C1GALT1: variants seen among roughly 807,000 people sequenced by gnomAD.
C1GALT1 encodes glycoprotein-N-acetylgalactosamine 3-beta-galactosyltransferase 1.
C1GALT1 carries 11 observed loss-of-function variants against 31.0 expected under a neutral mutation model. The ratio of observed to expected loss-of-function variants is 0.36; its 90% CI spans 0.22 to 0.59. C1GALT1 has a LOEUF of 0.59. C1GALT1 is among the 20% of genes least tolerant of loss of function. C1GALT1 has a pLI of 0.79. For missense variants in C1GALT1, 424 were observed against 425.2 expected, an observed-to-expected ratio of 1.00 and a Z score of 0.03; for synonymous variants, 175 against 143.6, an observed-to-expected ratio of 1.22 and a Z score of -1.56.
intron 1 of C1GALT1, among the ~76,000 whole-genome samples, chr7:7,191,457 A>G (rs142162717): frequency 1.6e-3 from 251 of 152,272 alleles, no homozygotes; most frequent in Non-Finnish European, 2.8e-3. Flanking sequence ...GTGTACAAAT[A>G]CTTTCTTGAA....
chr7:7,189,784 T>C (rs1345359882), intron 1 of C1GALT1, among the ~76,000 whole-genome samples: 3 of 152,166 alleles, frequency 2.0e-5, no homozygotes, highest in Non-Finnish European at 4.4e-5. Context: ...CAAAAATATA[T>C]TTTCTTCCAG....
At chr7:7,222,402 GACA>G (rs957239340) in intron 1 of C1GALT1, among the ~76,000 whole-genome samples, 2 of 152,148 alleles carry the variant, frequency 1.3e-5, no homozygotes, top group Non-Finnish European at 2.9e-5. Flanking sequence ...CTGGCTCTTT[GACA>G]ACATTTTATT....
intron 2 of C1GALT1, among the ~76,000 whole-genome samples, chr7:7,161,194 T>A (rs1179730998): frequency 6.6e-6 from 1 of 152,076 alleles, no homozygotes; most frequent in Non-Finnish European, 1.5e-5. Context: ...CATGTAACCA[T>A]CCTTACCAAA....
intron 2 of C1GALT1, among the ~76,000 whole-genome samples, chr7:7,236,576 C>T (rs1783364669): frequency 6.6e-6 from 1 of 152,122 alleles, no homozygotes; most frequent in Non-Finnish European, 1.5e-5. Context: ...GGCTGGACTG[C>T]AGTGGTGGGA....
Position 7,238,832 on chromosome 7 carries a change from T to C in C1GALT1, c.798T>C (p.Phe266=), listed in dbSNP as rs1236239513. The C allele has an allele frequency of 6.2e-7, 1 of 1,613,846 alleles. No individual in the cohort carries two copies. The highest frequency in any genetic ancestry group is 1.7e-5 in the Admixed American group (1 of 60,000). The change falls in exon 3 of 4, where the codon TTT becomes TTC. Residue 266 remains phenylalanine (F), a synonymous_variant. Coordinates refer to ENST00000436587, the MANE Select transcript of C1GALT1 (RefSeq NM_020156.5). This position sits in a 1 kb window ranked among gnomAD's most constrained non-coding sequence, Gnocchi z 5.2. ...DSRDTIGKET[F]HPFVPEHHLI... ...GAGATACCATTGGAAAAGAAACTTT[T>C]CATCCCTTTGTGCCAGAACACCATT...
chr7:7,233,869 A>G (rs888279840), intron 1 of C1GALT1, among the ~76,000 whole-genome samples: 1 of 152,182 alleles, frequency 6.6e-6, no homozygotes, highest in Non-Finnish European at 1.5e-5. Context: ...CCAAAAAGCC[A>G]AAAATATTTT....
At chr7:7,191,916 T>C (rs1781091159) in intron 1 of C1GALT1, among the ~76,000 whole-genome samples, 1 of 152,104 alleles carries the variant, frequency 6.6e-6, no homozygotes, top group African/African-American at 2.4e-5. Context: ...ACCCATTCTG[T>C]GGCTTGCCTT....
intron 1 of C1GALT1, among the ~76,000 whole-genome samples, chr7:7,198,912 G>T (rs1027713345): frequency 4.6e-5 from 7 of 152,078 alleles, no homozygotes; most frequent in African/African-American, 1.7e-4. Flanking sequence ...GCATCTATTT[G>T]ATTCTTCTCT....
intron 2 of C1GALT1, among the ~76,000 whole-genome samples, chr7:7,171,973 A>G (rs962332059): frequency 6.6e-6 from 1 of 152,174 alleles, no homozygotes; most frequent in East Asian, 1.9e-4. Context: ...GTTAAATCTT[A>G]TTAAAAATAA....
chr7:7,179,890 T>C (rs1437884111), upstream of C1GALT1, among the ~76,000 whole-genome samples: 1 of 149,926 alleles, frequency 6.7e-6, no homozygotes, highest in Non-Finnish European at 1.5e-5. Flanking sequence ...GATGGGTGCA[T>C]ATCAAATGGC....
In C1GALT1 at chr7:7,183,905, G is replaced by A. The variant is rs1484996407; in HGVS notation, c.-18+1085G>A. On this transcript the variant is annotated intron_variant, in intron 1 of 3. Transcript: ENST00000436587. ...ACCATAATGAATCAATGAATAATTG[G>A]CCGATGTGTAAGGGAGAGAAATATG... Among the ~76,000 whole-genome samples the A allele has an allele frequency of 2.6e-5, 4 of 152,076 alleles. No homozygotes were observed. The East Asian group carries it at 7.7e-4, about 29-fold the overall frequency.
intron 1 of C1GALT1, among the ~76,000 whole-genome samples, chr7:7,213,958 A>G (rs1230714873): frequency 1.3e-5 from 2 of 152,192 alleles, no homozygotes; most frequent in African/African-American, 2.4e-5. Context: ...CAATTGGCTT[A>G]TTTTGTAATC....
rs1402251285 is a variant in C1GALT1, at chr7:7,238,415, A to G, written c.381A>G (p.Lys127=). 1 of 1,613,970 alleles carries G rather than the reference A, an allele frequency of 6.2e-7. No homozygotes were observed. The highest frequency in any genetic ancestry group is 8.5e-7 in the Non-Finnish European group (1 of 1,179,996). ...KVLFMSSEEN[K]DFPAVGLKTK... The stretch of plus-strand genomic sequence containing the variant: ...TGTTTATGAGTTCAGAAGAAAATAA[A>G]GACTTCCCTGCTGTGGGACTGAAAA... Residue 127 remains lysine (K), a synonymous_variant, in exon 3 of 4, where the codon AAA becomes AAG. Transcript: ENST00000436587. The surrounding 1 kb of genome is among the most constrained non-coding windows in gnomAD (Gnocchi z 5.2).
chr7:7,213,783 T>C (rs1385588935), intron 1 of C1GALT1, among the ~76,000 whole-genome samples: 2 of 152,270 alleles, frequency 1.3e-5, no homozygotes, highest in Admixed American at 6.5e-5. Flanking sequence ...TAAAAATCTT[T>C]ACAAACCTTT....
chr7:7,219,082 C>T (rs1782388835), intron 1 of C1GALT1, among the ~76,000 whole-genome samples: 1 of 152,158 alleles, frequency 6.6e-6, no homozygotes, highest in Non-Finnish European at 1.5e-5. Flanking sequence ...TCGTGATCCG[C>T]CCGCCTCGGC....
intron 1 of C1GALT1, among the ~76,000 whole-genome samples, chr7:7,197,807 G>T (rs1281252171): frequency 6.6e-6 from 1 of 152,138 alleles, no homozygotes; most frequent in African/African-American, 2.4e-5. Context: ...TGAAGCAGTC[G>T]TGAATGGGAG....
intron 2 of C1GALT1, among the ~76,000 whole-genome samples, chr7:7,173,865 C>A (rs1583731058): frequency 6.6e-6 from 1 of 152,210 alleles, no homozygotes; most frequent in East Asian, 1.9e-4. Context: ...CGAGATCATG[C>A]CACTGCACTC....
At chr7:7,185,503 G>T (rs755687697) in intron 1 of C1GALT1, among the ~76,000 whole-genome samples, 2 of 152,164 alleles carry the variant, frequency 1.3e-5, no homozygotes, top group African/African-American at 4.8e-5. Flanking sequence ...CTCAAGGTTC[G>T]AGGGGAGAAT....
chr7:7,238,142 T>C lies in C1GALT1; in HGVS notation c.221-113T>C. 9.7e-7 allele frequency: 1 copy of C among 1,032,562 alleles called. No homozygotes were observed. Among genetic ancestry groups the C allele is most frequent in the Non-Finnish European group, 1.4e-6 (1 of 723,004 alleles). The allele number at this position is 1,032,562 out of a possible 1,614,324, so 64.0% of individuals were successfully genotyped here. On this transcript the variant is annotated intron_variant, in intron 2 of 3. Transcript: ENST00000436587. This position sits in a 1 kb window ranked among gnomAD's most constrained non-coding sequence, Gnocchi z 5.2. ...TGCTTTCCTTTGGCTAAATCACTAA[T>C]AGAGGGATAAATAGGGACTTTGAAA...
Sources: gnomAD v4.1 joint callset for allele counts (sites outside exome capture counted in the v4.1 genomes callset) on GRCh38, gnomAD v4.1.1 for gene constraint, Gnocchi (gnomAD v3.1) non-coding constraint, MANE v1.5 for transcripts, NCBI Gene and HGNC (gene_info 2026-07-23, HGNC 2026-07-21) for gene names.